Variants in RUNX1 observed in about 807,000 individuals in gnomAD.
RUNX1 encodes the protein runt-related transcription factor 1.
Under a neutral mutation model 42.8 loss-of-function variants are expected in RUNX1, and 19 were observed. That is an observed-to-expected ratio of 0.44 (90% CI 0.31 to 0.65). RUNX1 has a LOEUF of 0.65. Ranked by LOEUF, RUNX1 falls within the 30% of genes least tolerant of loss-of-function variation. RUNX1 has a pLI of 0.07. For missense variants in RUNX1, 528 were observed against 672.0 expected, an observed-to-expected ratio of 0.79 and a Z score of 2.37; for synonymous variants, 271 against 289.4, an observed-to-expected ratio of 0.94 and a Z score of 0.64.
intron 7 of RUNX1, among the ~76,000 whole-genome samples, chr21:34,830,138 C>T (rs1480170522): frequency 6.6e-6 from 1 of 152,088 alleles, no homozygotes; most frequent in Non-Finnish European, 1.5e-5. Context: ...CCCCTCTTGG[C>T]CATATGGAAC....
At chr21:34,977,573 T>G (rs1336035821) in intron 2 of RUNX1, among the ~76,000 whole-genome samples, 2 of 152,238 alleles carry the variant, frequency 1.3e-5, no homozygotes, top group African/African-American at 4.8e-5. Flanking sequence ...AGGGGTAGGA[T>G]TTCAATCCCA....
chr21:34,967,477 C>T (rs2058729935), intron 2 of RUNX1, among the ~76,000 whole-genome samples: 2 of 151,094 alleles, frequency 1.3e-5, no homozygotes, highest in South Asian at 2.1e-4. Context: ...ACTTCGCCAT[C>T]CAGCCCTGAA....
chr21:34,998,679 C>G (rs1247672461), intron 2 of RUNX1, among the ~76,000 whole-genome samples: 1 of 152,022 alleles, frequency 6.6e-6, no homozygotes. Flanking sequence ...GTAGCTGGGA[C>G]TACAGGCACC....
intron 2 of RUNX1, among the ~76,000 whole-genome samples, chr21:34,920,316 T>C (rs1319186837): frequency 6.6e-6 from 1 of 152,136 alleles, no homozygotes; most frequent in Non-Finnish European, 1.5e-5. Flanking sequence ...TGATGGCAAA[T>C]TATGGCCATT....
intron 2 of RUNX1, among the ~76,000 whole-genome samples, chr21:35,019,467 A>G (rs1478940700): frequency 6.6e-6 from 1 of 152,214 alleles, no homozygotes; most frequent in East Asian, 1.9e-4. Flanking sequence ...TATGTCTGTA[A>G]GAGGCCTGGC....
At chr21:34,997,515 T>C (rs755102569) in intron 2 of RUNX1, among the ~76,000 whole-genome samples, 3 of 152,214 alleles carry the variant, frequency 2.0e-5, no homozygotes, top group Non-Finnish European at 2.9e-5. Flanking sequence ...ACTCTTCCTT[T>C]GCCAAGAGGG....
At chr21:34,979,214 G>C (rs1054908987) in intron 2 of RUNX1, among the ~76,000 whole-genome samples, 3 of 152,136 alleles carry the variant, frequency 2.0e-5, no homozygotes, top group African/African-American at 7.2e-5. Flanking sequence ...ATAAGAGAAA[G>C]AGTCTTTTTG....
intron 5 of RUNX1, among the ~76,000 whole-genome samples, chr21:34,863,375 T>C (rs1305144303): frequency 6.6e-6 from 1 of 152,202 alleles, no homozygotes; most frequent in Non-Finnish European, 1.5e-5. Context: ...ACCTGGGTTA[T>C]AGCTCAAAAG....
rs1383445026 is a variant in RUNX1 at position 34,916,007 on chromosome 21, G to A, written c.59-23044C>T. On this transcript the variant is annotated intron_variant, in intron 2 of 8. Transcript: ENST00000675419. Reference sequence around the variant, plus strand: ...TAATCCATATTCTGAAAGTTATTTGGGTTAAGAATAGAAGAGTTTTTTGTG... The same window carrying A: ...TAATCCATATTCTGAAAGTTATTTGAGTTAAGAATAGAAGAGTTTTTTGTG... 4.6e-5 allele frequency among the ~76,000 whole-genome samples: 7 copies of A among 152,220 alleles called. 1 individual carries two copies. The highest frequency in any genetic ancestry group is 4.1e-4 in the South Asian group (2 of 4,822).
chr21:34,972,146 G>A (rs1023706672), intron 2 of RUNX1, among the ~76,000 whole-genome samples: 2 of 152,116 alleles, frequency 1.3e-5, no homozygotes, highest in Non-Finnish European at 2.9e-5. Context: ...CAGAAAAACT[G>A]GAAATTTCAC....
At chr21:35,016,064 T>C (rs1016881975) in intron 2 of RUNX1, among the ~76,000 whole-genome samples, 1 of 152,236 alleles carries the variant, frequency 6.6e-6, no homozygotes, top group Non-Finnish European at 1.5e-5. Context: ...GGTCACCTAA[T>C]AACAGCTTTG....
chr21:34,880,973 A>C (rs536720136), intron 4 of RUNX1, among the ~76,000 whole-genome samples: 1 of 152,370 alleles, frequency 6.6e-6, no homozygotes, highest in East Asian at 1.9e-4. Context: ...TTACATTTGC[A>C]CCAACCTAAT....
At chr21:34,966,948 A>G (rs1315133943) in intron 2 of RUNX1, among the ~76,000 whole-genome samples, 4 of 152,176 alleles carry the variant, frequency 2.6e-5, no homozygotes, top group Non-Finnish European at 5.9e-5. Flanking sequence ...GAGTAAGGGC[A>G]TATTTAAAAA....
intron 2 of RUNX1, among the ~76,000 whole-genome samples, chr21:34,913,700 G>A (rs938552902): frequency 3.3e-5 from 5 of 152,142 alleles, no homozygotes; most frequent in East Asian, 1.9e-4. Flanking sequence ...TGGCAGCATC[G>A]TAGGGCTACT....
intron 2 of RUNX1, among the ~76,000 whole-genome samples, chr21:34,982,277 C>A (rs1340141597): frequency 6.6e-6 from 1 of 152,126 alleles, no homozygotes; most frequent in Non-Finnish European, 1.5e-5. Context: ...TAAGTCCAAG[C>A]TACCCAGGGA....
intron 2 of RUNX1, among the ~76,000 whole-genome samples, chr21:35,047,557 A>T (rs951381124): frequency 0.18 from 12,122 of 68,658 alleles, 818 homozygotes; most frequent in Non-Finnish European, 0.2. Context: ...ACACACACAC[A>T]CACACTCTCT....
At chr21:34,808,056 G>A (rs960764319) in intron 7 of RUNX1, among the ~76,000 whole-genome samples, 4 of 152,198 alleles carry the variant, frequency 2.6e-5, no homozygotes, top group African/African-American at 4.8e-5. Flanking sequence ...AGCAGACACC[G>A]GCTCAGCACA....
intron 2 of RUNX1, among the ~76,000 whole-genome samples, chr21:35,025,688 G>A (rs1198504029): frequency 6.6e-6 from 1 of 152,132 alleles, no homozygotes; most frequent in Non-Finnish European, 1.5e-5. Context: ...GAATAATTAG[G>A]AGTGAGGCCA....
intron 2 of RUNX1, among the ~76,000 whole-genome samples, chr21:35,000,509 G>A (rs1685405458): frequency 6.6e-6 from 1 of 151,866 alleles, no homozygotes. Context: ...CAAAGTGCTG[G>A]GATTACAGGC....
Sources: allele counts gnomAD v4.1 joint callset (sites outside exome capture counted in the v4.1 genomes callset), GRCh38; gene constraint gnomAD v4.1.1; transcripts MANE v1.5; gene names NCBI Gene and HGNC (gene_info 2026-07-23, HGNC 2026-07-21).